Variants in EPC2 observed in about 807,000 individuals in gnomAD.
EPC2 encodes the protein enhancer of polycomb 2.
EPC2 carries 14 observed loss-of-function variants against 92.1 expected under a neutral mutation model. The ratio of observed to expected loss-of-function variants is 0.15; its 90% CI spans 0.10 to 0.24. The LOEUF is 0.24. EPC2 is among the 10% of genes least tolerant of loss of function. The pLI, the probability that EPC2 is intolerant of heterozygous loss-of-function variation, is 1.00. For missense variants in EPC2, 755 were observed against 971.5 expected, an observed-to-expected ratio of 0.78 and a Z score of 2.96; for synonymous variants, 340 against 334.7, an observed-to-expected ratio of 1.02 and a Z score of -0.17.
chr2:148,732,885 A>G (rs1481226197), intron 2 of EPC2, among the ~76,000 whole-genome samples: 2 of 144,952 alleles, frequency 1.4e-5, no homozygotes, highest in African/African-American at 5.1e-5. Context: ...ACATATTTGT[A>G]TTTTTCATAA....
chr2:148,700,119 A>G (rs957664596), intron 2 of EPC2, among the ~76,000 whole-genome samples: 2 of 152,010 alleles, frequency 1.3e-5, no homozygotes, highest in African/African-American at 2.4e-5. Context: ...TATATTTTAG[A>G]TACGTGTCCT....
chr2:148,693,179 T>A (rs1272869725), intron 2 of EPC2, among the ~76,000 whole-genome samples: 1 of 152,232 alleles, frequency 6.6e-6, no homozygotes, highest in Non-Finnish European at 1.5e-5. Flanking sequence ...GCTAAGCCTT[T>A]AAGGAGTTTC....
At chr2:148,709,096 C>T (rs1015864428) in intron 2 of EPC2, among the ~76,000 whole-genome samples, 12 of 152,154 alleles carry the variant, frequency 7.9e-5, no homozygotes, top group African/African-American at 2.7e-4. Flanking sequence ...TTAGAAAACC[C>T]CATTGTCTCA....
At chr2:148,760,191 A>C (rs969086190) in intron 4 of EPC2, among the ~76,000 whole-genome samples, 2 of 152,192 alleles carry the variant, frequency 1.3e-5, no homozygotes, top group African/African-American at 4.8e-5. Context: ...TGGGAGGCAG[A>C]GGTTGCAGTG....
intron 2 of EPC2, among the ~76,000 whole-genome samples, chr2:148,734,750 AATG>A (rs1287840375): frequency 6.6e-6 from 1 of 151,726 alleles, no homozygotes; most frequent in Non-Finnish European, 1.5e-5. Context: ...CATTTCAAGG[AATG>A]TTATGTAAGT....
chr2:148,716,963 C>G (rs532077267), intron 2 of EPC2, among the ~76,000 whole-genome samples: 3 of 152,122 alleles, frequency 2.0e-5, no homozygotes, highest in African/African-American at 7.2e-5. Flanking sequence ...CTGGTTCAGT[C>G]TTTGGAGGGT....
At chr2:148,766,066 C>A (rs1214199711) in intron 7 of EPC2, among the ~76,000 whole-genome samples, 1 of 152,084 alleles carries the variant, frequency 6.6e-6, no homozygotes, top group Non-Finnish European at 1.5e-5. Context: ...AAAAAAGATC[C>A]ATTTTTTTTT....
At chr2:148,712,989 T>C (rs1023732500) in intron 2 of EPC2, among the ~76,000 whole-genome samples, 5 of 152,160 alleles carry the variant, frequency 3.3e-5, no homozygotes, top group African/African-American at 1.2e-4. Flanking sequence ...GCCCAGGAGT[T>C]TGAGACCAGC....
chr2:148,782,469 G>A (rs1316825833), intron 11 of EPC2, among the ~76,000 whole-genome samples: 1 of 151,988 alleles, frequency 6.6e-6, no homozygotes, highest in African/African-American at 2.4e-5. Flanking sequence ...CCCTGAAGGT[G>A]GAGGTTTCAG....
intron 2 of EPC2, among the ~76,000 whole-genome samples, chr2:148,708,582 G>A (rs1682060514): frequency 6.6e-6 from 1 of 152,208 alleles, no homozygotes; most frequent in Non-Finnish European, 1.5e-5. Flanking sequence ...GAACATTGAT[G>A]TGAAAATCCT....
intron 2 of EPC2, among the ~76,000 whole-genome samples, chr2:148,693,148 AT>A (rs904605161): frequency 6.6e-6 from 1 of 152,058 alleles, no homozygotes; most frequent in Non-Finnish European, 1.5e-5. Flanking sequence ...GTTAAAAAAA[AT>A]TTTTTTTATG....
intron 1 of EPC2, among the ~76,000 whole-genome samples, chr2:148,676,461 A>G (rs1252041944): frequency 6.6e-6 from 1 of 152,122 alleles, no homozygotes; most frequent in Non-Finnish European, 1.5e-5. Flanking sequence ...TAACATTAAT[A>G]TAATTAAAAA....
At chr2:148,709,491 CTACTT>C (rs1682084172) in intron 2 of EPC2, among the ~76,000 whole-genome samples, 3 of 152,202 alleles carry the variant, frequency 2.0e-5, no homozygotes, top group Admixed American at 1.3e-4. Flanking sequence ...TTGGAAAAAA[CTACTT>C]TAAAGTTCAT....
intron 1 of EPC2, among the ~76,000 whole-genome samples, chr2:148,677,490 CATAGTGAGACT>C (rs1681291418): frequency 2.0e-5 from 3 of 152,180 alleles, no homozygotes; most frequent in African/African-American, 7.2e-5. Context: ...ACTTGGGCAA[CATAGTGAGACT>C]CCATCTCTAT....
chr2:148,714,488 A>G (rs1048168113), intron 2 of EPC2, among the ~76,000 whole-genome samples: 4 of 152,190 alleles, frequency 2.6e-5, no homozygotes, highest in African/African-American at 9.7e-5. Flanking sequence ...GCATTGCCAC[A>G]CTGTCTTCCA....
chr2:148,677,590 C>A (rs1181464756), intron 1 of EPC2, among the ~76,000 whole-genome samples: 1 of 152,044 alleles, frequency 6.6e-6, no homozygotes, highest in African/African-American at 2.4e-5. Flanking sequence ...GCAGTGTGTC[C>A]GGAATTGGTG....
At chr2:148,672,032 C>T (rs1331349447) in intron 1 of EPC2, among the ~76,000 whole-genome samples, 5 of 152,082 alleles carry the variant, frequency 3.3e-5, no homozygotes, top group South Asian at 2.1e-4. Context: ...TTGTGTCCAT[C>T]CTTCTTGAAA....
Position 148,663,581 on chromosome 2 carries a change from T to C in EPC2, c.153+18411T>C, listed in dbSNP as rs115274859. Among the ~76,000 whole-genome samples the C allele has an allele frequency of 6.6e-3, 978 of 147,812 alleles. 5 individuals carry two copies. Among genetic ancestry groups the C allele is most frequent in the African/African-American group, 0.023 (921 of 40,164 alleles). On this transcript the variant is annotated intron_variant, in intron 1 of 13. Coordinates refer to ENST00000258484, the MANE Select transcript of EPC2 (RefSeq NM_015630.4). ...AGCTAGCAAAATTCCAGTTTTACTA[T>C]ATAGATTAAGATTTTTTTTTTTTTT... is the stretch of plus-strand genomic sequence containing the variant.
intron 1 of EPC2, among the ~76,000 whole-genome samples, chr2:148,684,870 T>C (rs1053442923): frequency 3.3e-5 from 5 of 152,344 alleles, no homozygotes; most frequent in Admixed American, 3.3e-4. Flanking sequence ...CATGCCGGAA[T>C]TTGTATCATA....
Sources: gnomAD v4.1 joint callset for allele counts (sites outside exome capture counted in the v4.1 genomes callset) on GRCh38, gnomAD v4.1.1 for gene constraint, MANE v1.5 for transcripts, NCBI Gene and HGNC (gene_info 2026-07-23, HGNC 2026-07-21) for gene names.